The following QTGAL variants were observed in gnomAD, a reference collection of about 807,000 sequenced individuals.
QTGAL encodes BGnT-like protein 1.
At chr17:83,044,616 C>T in the QTGAL span, among the ~76,000 whole-genome samples, 260 of 152,310 alleles carry the variant, frequency 1.7e-3, 1 homozygote, top group African/African-American at 5.6e-3. Context: ...CACTTCTATT[C>T]GGCACCGTCC....
the QTGAL span, among the ~76,000 whole-genome samples, chr17:83,000,502 T>C: frequency 6.6e-6 from 1 of 152,236 alleles, no homozygotes; most frequent in Admixed American, 6.5e-5. Flanking sequence ...AGACCCCATA[T>C]GTGGTCTATA....
the QTGAL span, chr17:83,048,755 G>A: frequency 6.2e-7 from 1 of 1,614,078 alleles, no homozygotes; most frequent in Non-Finnish European, 8.5e-7. Flanking sequence ...TCCAGCCACG[G>A]TTCAGCGTTG....
At chr17:83,044,797 T>C in the QTGAL span, among the ~76,000 whole-genome samples, 4 of 152,254 alleles carry the variant, frequency 2.6e-5, no homozygotes, top group East Asian at 5.8e-4. Context: ...TACAAAAAAA[T>C]TAGCTGGTTG....
At chr17:82,988,837 A>T in the QTGAL span, among the ~76,000 whole-genome samples, 1 of 152,202 alleles carries the variant, frequency 6.6e-6, no homozygotes, top group Non-Finnish European at 1.5e-5. Context: ...GCGATTTTTT[A>T]AAAATCAAGA....
the QTGAL span, chr17:82,957,503 G>C: frequency 6.3e-7 from 1 of 1,596,194 alleles, no homozygotes; most frequent in African/African-American, 1.3e-5. Flanking sequence ...TCCTGCGGTG[G>C]AGAAGAGGGT....
At chr17:82,998,782 A>G in the QTGAL span, among the ~76,000 whole-genome samples, 1 of 152,246 alleles carries the variant, frequency 6.6e-6, no homozygotes, top group African/African-American at 2.4e-5. Flanking sequence ...AAATTCAACA[A>G]TAAGAATGCA....
the QTGAL span, among the ~76,000 whole-genome samples, chr17:83,044,290 G>A: frequency 2.0e-5 from 3 of 152,132 alleles, no homozygotes; most frequent in African/African-American, 7.2e-5. Flanking sequence ...TTTACACCAG[G>A]AACAAGTGGG....
At chr17:82,954,484 T>G in the QTGAL span, among the ~76,000 whole-genome samples, 1 of 151,594 alleles carries the variant, frequency 6.6e-6, no homozygotes, top group Non-Finnish European at 1.5e-5. Context: ...CTCAGGGAAG[T>G]AGGACACAAA....
the QTGAL span, among the ~76,000 whole-genome samples, chr17:82,946,569 A>AGTGTGTGTGTGTGTGTGTGT: frequency 0.22 from 33,358 of 150,118 alleles, 3,851 homozygotes; most frequent in East Asian, 0.33. Context: ...ACAGAACCCA[A>AGTGTGTGTGTGTGTGTGTGT]GTGTGTGTGT....
chr17:82,970,181 C>A, the QTGAL span, among the ~76,000 whole-genome samples: 1 of 152,186 alleles, frequency 6.6e-6, no homozygotes, highest in African/African-American at 2.4e-5. Context: ...CCGAGGGGGT[C>A]CTGGAAGCCA....
the QTGAL span, among the ~76,000 whole-genome samples, chr17:83,033,871 T>C: frequency 6.6e-6 from 1 of 152,216 alleles, no homozygotes; most frequent in Non-Finnish European, 1.5e-5. Context: ...AGAAAGTTTA[T>C]TAGTTGTTTG....
chr17:83,031,906 C>T, the QTGAL span, among the ~76,000 whole-genome samples: 6 of 152,260 alleles, frequency 3.9e-5, no homozygotes, highest in African/African-American at 1.2e-4. Flanking sequence ...CAACGTCCTT[C>T]GAGGATGTTC....
At chr17:82,971,691 C>T in the QTGAL span, among the ~76,000 whole-genome samples, 7 of 18,970 alleles carry the variant, frequency 3.7e-4, no homozygotes, top group Admixed American at 5.3e-4. Flanking sequence ...GCCCACCACA[C>T]CACACCACAG....
chr17:82,981,668 G>GC, the QTGAL span: 1 of 152,218 alleles, frequency 6.6e-6, no homozygotes, highest in Non-Finnish European at 1.5e-5. Context: ...TATGTTCGGA[G>GC]CCACCTGAAT....
the QTGAL span, among the ~76,000 whole-genome samples, chr17:82,985,928 C>T: frequency 6.6e-6 from 1 of 152,190 alleles, no homozygotes; most frequent in African/African-American, 2.4e-5. Flanking sequence ...CCCAGAATCT[C>T]TGAACTCTGG....
chr17:83,013,449 C>G, the QTGAL span, among the ~76,000 whole-genome samples: 1 of 137,510 alleles, frequency 7.3e-6, no homozygotes, highest in African/African-American at 2.7e-5. Context: ...CTCCCAACCC[C>G]CTCTGGTTCC....
At chr17:82,970,330 C>T in the QTGAL span, among the ~76,000 whole-genome samples, 3 of 152,252 alleles carry the variant, frequency 2.0e-5, no homozygotes, top group Admixed American at 1.3e-4. Context: ...ACAAATACAG[C>T]CTTCCCTCAA....
At chr17:82,950,518 C>T in the QTGAL span, among the ~76,000 whole-genome samples, 4 of 152,272 alleles carry the variant, frequency 2.6e-5, no homozygotes, top group East Asian at 5.8e-4. Context: ...AACTGCTTCT[C>T]GGAGCCTCCC....
chr17:82,991,390 G>A, the QTGAL span, among the ~76,000 whole-genome samples: 1 of 152,200 alleles, frequency 6.6e-6, no homozygotes, highest in Non-Finnish European at 1.5e-5. Context: ...AGTCTCACAA[G>A]ATCTGATGGT....
Sources: gnomAD v4.1 joint callset for allele counts (sites outside exome capture counted in the v4.1 genomes callset) on GRCh38, gnomAD v4.1.1 for gene constraint, MANE v1.5 for transcripts, NCBI Gene and HGNC (gene_info 2026-07-23, HGNC 2026-07-21) for gene names.